Variants in RND1 observed in about 807,000 individuals in gnomAD.
RND1 encodes the protein rho-related GTP-binding protein Rho6.
A neutral mutation model predicts 27.1 loss-of-function variants in RND1; 9 were observed. The ratio of observed to expected loss-of-function variants is 0.33; its 90% CI spans 0.20 to 0.58. The LOEUF is 0.58. Among genes scored for constraint, RND1 ranks in the 20% least tolerant of loss-of-function variants. The pLI is 0.86. For missense variants in RND1, 253 were observed against 292.2 expected, an observed-to-expected ratio of 0.87 and a Z score of 0.98; for synonymous variants, 108 against 115.7, an observed-to-expected ratio of 0.93 and a Z score of 0.43.
intron 2 of RND1, 60 bp downstream of exon 2, chr12:48,864,723 C>T (rs946260002): frequency 8.2e-7 from 1 of 1,224,458 alleles, no homozygotes; most frequent in Admixed American, 1.7e-5. Context: ...TTCTAAAAGA[C>T]AGCAGCTACA....
In RND1 at chr12:48,857,369, TG is replaced by T. The variant is rs1456449595; in HGVS notation, c.*626del. 1 of 148,420 alleles carries T rather than the reference TG, an allele frequency of 6.7e-6. No individual in the cohort carries two copies. Among genetic ancestry groups the T allele is most frequent in the East Asian group, 2.2e-4 (1 of 4,598 alleles). 9.2% of individuals were successfully genotyped at this position (148,420 alleles called of 1,614,324 possible). A position where few individuals can be genotyped will look rare whatever the true frequency, so the allele number is the denominator to read the frequency against. On this transcript the variant is annotated 3_prime_UTR_variant, in exon 5 of 5. Transcript: ENST00000309739. ...CCACACTCTGCAAGAGAAGGGGGTC[TG>T]GGGCTTCTCCCTTGGACCCTGGGGA...
chr12:48,862,701 G>A (rs554643960), intron 2 of RND1, among the ~76,000 whole-genome samples: 32 of 152,284 alleles, frequency 2.1e-4, no homozygotes, highest in African/African-American at 6.5e-4. Context: ...CCTCCTGACC[G>A]CCCCACATCT....
chr12:48,864,798 G>T lies in RND1; in HGVS notation c.193C>A (p.Leu65Ile). 6.2e-7 allele frequency: 1 copy of T among 1,613,532 alleles called. No homozygotes were observed. Residue 65 changes from leucine (L) to isoleucine (I), a missense_variant, in exon 2 of 5, where the codon CTC (leucine) becomes ATC (isoleucine). Leu to Ile is a conservative substitution (Grantham distance 5). Coordinates refer to ENST00000309739, the MANE Select transcript of RND1 (RefSeq NM_014470.4). ...ETEEQRVELS[L>I]WDTSGSPYYD... ...GAATTCTTACCTGAGGTATCCCAGA[G>T]ACTAAGCTCCACCCTCTGTTCCTCT...
chr12:48,861,387 C>A (rs941296570), intron 3 of RND1, among the ~76,000 whole-genome samples: 1 of 152,194 alleles, frequency 6.6e-6, no homozygotes, highest in African/African-American at 2.4e-5. Context: ...CCAGAGAGGG[C>A]ACAAGGGCAA....
At chr12:48,858,314 C>A in intron 4 of RND1, 73 bp from the exon 5 acceptor site, 1 of 1,548,704 alleles carries the variant, frequency 6.5e-7, no homozygotes, top group Non-Finnish European at 8.7e-7. Context: ...TGCGTCACTC[C>A]CCAGGGCCAC....
rs753658640 is a variant in RND1, at chr12:48,857,974, T to C, written c.*22A>G. 2.6e-5 allele frequency: 41 copies of C among 1,570,390 alleles called. No homozygotes were observed. The South Asian group carries it at 4.8e-4, about 19-fold the overall frequency. On this transcript the variant is annotated 3_prime_UTR_variant, in exon 5 of 5. Transcript: ENST00000309739. Reference sequence around the variant, plus strand: ...CCCCAAGGGAGGAAGTAGGGGGTTGTCTCCCCCCTCCAATTTCCACTTCAC... The same window carrying C: ...CCCCAAGGGAGGAAGTAGGGGGTTGCCTCCCCCCTCCAATTTCCACTTCAC...
At chr12:48,864,947 C>G in intron 1 of RND1, 77 bp from the exon 2 acceptor site, 1 of 1,049,702 alleles carries the variant, frequency 9.5e-7, no homozygotes, top group Non-Finnish European at 1.5e-6. Context: ...TACACACGCA[C>G]TCACCAGAGA....
intron 3 of RND1, 38 bp from the exon 4 acceptor site, chr12:48,861,169 G>A: frequency 1.3e-6 from 2 of 1,570,866 alleles, no homozygotes; most frequent in Non-Finnish European, 1.7e-6. Context: ...GGAGAAGGAG[G>A]AAGGAAGGAG....
intron 3 of RND1, among the ~76,000 whole-genome samples, chr12:48,861,722 A>C (rs1197529095): frequency 1.3e-5 from 2 of 152,078 alleles, no homozygotes. Flanking sequence ...GTATCACCTA[A>C]AGGTTCTCTG....
At chr12:48,859,851 C>T (rs1381241179) in intron 4 of RND1, among the ~76,000 whole-genome samples, 2 of 152,220 alleles carry the variant, frequency 1.3e-5, no homozygotes, top group Non-Finnish European at 2.9e-5. Flanking sequence ...TGCCACTGCA[C>T]TCCAACCTAG....
At chr12:48,865,506 G>A in intron 1 of RND1, 142 bp downstream of exon 1, 1 of 968,712 alleles carries the variant, frequency 1.0e-6, no homozygotes, top group East Asian at 2.7e-5. Flanking sequence ...CAGCCAAAAA[G>A]CAGCTGAGGA....
chr12:48,863,241 G>T (rs1278622278), intron 2 of RND1, among the ~76,000 whole-genome samples: 2 of 152,296 alleles, frequency 1.3e-5, no homozygotes, highest in South Asian at 2.1e-4. Flanking sequence ...ACACACCATG[G>T]CCACTTCCTC....
intron 2 of RND1, among the ~76,000 whole-genome samples, chr12:48,864,437 G>GTT (rs1938961032): frequency 6.6e-6 from 1 of 151,396 alleles, no homozygotes; most frequent in Non-Finnish European, 1.5e-5. Flanking sequence ...GCGTGTGTGT[G>GTT]CATGTGTGTA....
At chr12:48,862,610 G>A (rs1938931878) in intron 2 of RND1, among the ~76,000 whole-genome samples, 1 of 152,122 alleles carries the variant, frequency 6.6e-6, no homozygotes, top group African/African-American at 2.4e-5. Flanking sequence ...AGCAGGGGAG[G>A]GAGAGAATCA....
rs1476228949 is a variant in RND1, at chr12:48,858,114, A to G, written c.581T>C (p.Leu194Pro). 1.2e-6 allele frequency: 2 copies of G among 1,614,070 alleles called. No homozygotes were observed. Among genetic ancestry groups the G allele is most frequent in the East Asian group, 2.2e-5 (1 of 44,890 alleles). Residue 194 changes from leucine (L) to proline (P), a missense_variant, in exon 5 of 5, where the codon CTG becomes CCG. Leu to Pro is a moderately conservative substitution (Grantham distance 98, BLOSUM62 -3). Transcript: ENST00000309739. The stretch of plus-strand genomic sequence containing the variant: ...GCTTCGGACAGGGCTCTTCTGGGGC[A>G]GTGGGCTAGGCTTGTTCAGACACAG... ...SMLCLNKPSP[L>P]PQKSPVRSLS...
intron 2 of RND1, among the ~76,000 whole-genome samples, chr12:48,862,954 G>A (rs1938935936): frequency 6.6e-6 from 1 of 151,966 alleles, no homozygotes; most frequent in African/African-American, 2.4e-5. Flanking sequence ...CATGGAAACT[G>A]GGGGGAATCC....
intron 4 of RND1, 114 bp from the exon 5 acceptor site, chr12:48,858,355 A>C: frequency 1.7e-6 from 2 of 1,179,392 alleles, no homozygotes; most frequent in Non-Finnish European, 2.3e-6. Context: ...CAGTCTCCAA[A>C]CACCACCCTC....
intron 2 of RND1, among the ~76,000 whole-genome samples, chr12:48,864,383 AG>A (rs1311110134): frequency 2.0e-5 from 2 of 99,492 alleles, no homozygotes; most frequent in Non-Finnish European, 3.8e-5. Context: ...GGGAAGTAAA[AG>A]GTGTGTGTGT....
In RND1 at chr12:48,857,740, C is replaced by CGG. The variant is rs144384916; in HGVS notation, c.*254_*255dup. ...CCCCACAGCTTTCCTTCCTCTGGAG[C>CGG]GGGGGGGGCACTGGGGTAGTCGCCC... On this transcript the variant is annotated 3_prime_UTR_variant, in exon 5 of 5. Coordinates refer to ENST00000309739, the MANE Select transcript of RND1 (RefSeq NM_014470.4). 5.5e-4 allele frequency: 186 copies of CGG among 341,282 alleles called. 1 individual carries two copies. Among genetic ancestry groups the CGG allele is most frequent in the South Asian group, 1.1e-3 (19 of 17,602 alleles). The allele number at this position is 341,282 out of a possible 1,614,324, so 21.1% of individuals were successfully genotyped here. A position where few individuals can be genotyped will look rare whatever the true frequency, so the allele number is the denominator to read the frequency against.
Sources: gnomAD v4.1 joint callset for allele counts (sites outside exome capture counted in the v4.1 genomes callset) on GRCh38, gnomAD v4.1.1 for gene constraint, MANE v1.5 for transcripts, NCBI Gene and HGNC (gene_info 2026-07-23, HGNC 2026-07-21) for gene names.